USP14: variants seen among roughly 807,000 people sequenced by gnomAD.
USP14 encodes the protein ubiquitin specific peptidase 14, also known as ubiquitin carboxyl-terminal hydrolase 14.
Under a neutral mutation model 76.5 loss-of-function variants are expected in USP14, and 38 were observed. The ratio of observed to expected loss-of-function variants is 0.50; its 90% CI spans 0.38 to 0.65. USP14 has a LOEUF of 0.65. Ranked by LOEUF, USP14 falls within the 30% of genes least tolerant of loss-of-function variation. The pLI is 0.00. For synonymous variants in USP14, 192 were observed against 191.7 expected (o/e 1.00, Z -0.01); for missense variants, 467 against 586.5 (o/e 0.80, Z 2.10).
intron 3 of USP14, among the ~76,000 whole-genome samples, chr18:177,043 A>G (rs1233361182): frequency 1.3e-5 from 2 of 152,152 alleles, no homozygotes; most frequent in Admixed American, 1.3e-4. Flanking sequence ...GCATCTTTAT[A>G]GTAATTTTTC....
chr18:201,013 G>A (rs946146160), intron 10 of USP14, among the ~76,000 whole-genome samples: 1 of 152,048 alleles, frequency 6.6e-6, no homozygotes, highest in Admixed American at 6.6e-5. Flanking sequence ...ATGTTAGCCT[G>A]GATGGTCTCA....
At position 212,634 on chromosome 18, in the gene USP14, T is replaced by C. The variant is rs1910701170; in HGVS notation, c.*1350T>C. On this transcript the variant is annotated 3_prime_UTR_variant, in exon 16 of 16. Coordinates refer to ENST00000261601, the MANE Select transcript of USP14 (RefSeq NM_005151.4). The stretch of plus-strand genomic sequence containing the variant: ...AAAAGAAAAAATTCCCAAATCTTAA[T>C]GTCTGTTTCAGAATTTTAGTGATTT... The C allele has an allele frequency of 6.6e-6, 1 of 152,002 alleles. No homozygotes were observed. Among genetic ancestry groups the C allele is most frequent in the Non-Finnish European group, 1.5e-5 (1 of 68,008 alleles). The allele number at this position is 152,002 out of a possible 1,614,324, so 9.4% of individuals were successfully genotyped here.
rs1909710498 is a variant in USP14 at position 179,135 on chromosome 18, T to C, written c.300+98T>C. 13 of 734,216 alleles carry C rather than the reference T, an allele frequency of 1.8e-5. No individual in the cohort carries two copies. The South Asian group carries it at 2.6e-4, about 15-fold the overall frequency. The allele number at this position is 734,216 out of a possible 1,614,324, so 45.5% of individuals were successfully genotyped here. A position where few individuals can be genotyped will look rare whatever the true frequency, so the allele number is the denominator to read the frequency against. Reference sequence around the variant, plus strand: ...GTAGCATCTGAATGTCTTGAAGACTTAATCATTAATACCAAGATAGATATT... The same window carrying C: ...GTAGCATCTGAATGTCTTGAAGACTCAATCATTAATACCAAGATAGATATT... On this transcript the variant is annotated intron_variant, in intron 4 of 15. Coordinates refer to ENST00000261601, the MANE Select transcript of USP14 (RefSeq NM_005151.4).
intron 5 of USP14, among the ~76,000 whole-genome samples, chr18:191,515 A>G (rs558162609): frequency 3.9e-5 from 6 of 152,324 alleles, no homozygotes; most frequent in Admixed American, 6.5e-5. Flanking sequence ...CCATTTGCCT[A>G]TCAAAGTATA....
chr18:162,579 C>T (rs1909151492), intron 1 of USP14, among the ~76,000 whole-genome samples: 1 of 152,064 alleles, frequency 6.6e-6, no homozygotes, highest in Admixed American at 6.6e-5. Context: ...AATTTTTCTT[C>T]TTCTCTTAAA....
chr18:184,169 T>C (rs961854669), intron 5 of USP14, among the ~76,000 whole-genome samples: 1 of 152,230 alleles, frequency 6.6e-6, no homozygotes, highest in Non-Finnish European at 1.5e-5. Context: ...CTTTTTTCGC[T>C]TTTTGGTTTT....
chr18:181,364 A>G (rs1909784879), intron 5 of USP14, among the ~76,000 whole-genome samples: 3 of 152,206 alleles, frequency 2.0e-5, no homozygotes, highest in African/African-American at 7.2e-5. Flanking sequence ...TGATTAAGCC[A>G]TCTAGCGCTA....
At chr18:182,650 A>G (rs746095194) in intron 5 of USP14, among the ~76,000 whole-genome samples, 1 of 152,222 alleles carries the variant, frequency 6.6e-6, no homozygotes, top group Non-Finnish European at 1.5e-5. Context: ...TGGGAAATGT[A>G]GGCTGCTATG....
chr18:197,586 T>G (rs374232333), intron 7 of USP14, 30 bp from the exon 8 acceptor site: 17 of 1,561,708 alleles, frequency 1.1e-5, no homozygotes, highest in Non-Finnish European at 1.4e-5. Flanking sequence ...ACTGCCAGGA[T>G]TACTTACTTT....
At chr18:167,108 G>A (rs773222923) in intron 3 of USP14, among the ~76,000 whole-genome samples, 1 of 152,090 alleles carries the variant, frequency 6.6e-6, no homozygotes, top group South Asian at 2.1e-4. Context: ...AATTAGCTGG[G>A]TGTGGTGGTG....
chr18:159,126 G>C (rs1005044070), intron 1 of USP14: 1 of 178,762 alleles, frequency 5.6e-6, no homozygotes, highest in African/African-American at 2.4e-5. Context: ...GGGATGGAGC[G>C]ACCCTTCTTG....
chr18:210,338 A>G, intron 14 of USP14, 48 bp from the exon 15 acceptor site: 1 of 1,335,640 alleles, frequency 7.5e-7, no homozygotes. Flanking sequence ...TTGAGAAGGC[A>G]CATGTCTATT....
At chr18:195,099 T>C (rs1910195043) in intron 6 of USP14, among the ~76,000 whole-genome samples, 1 of 152,154 alleles carries the variant, frequency 6.6e-6, no homozygotes, top group Admixed American at 6.5e-5. Flanking sequence ...TGTTATATCT[T>C]ATTAGTCTCT....
intron 1 of USP14, among the ~76,000 whole-genome samples, chr18:160,700 C>T (rs1279778150): frequency 6.6e-6 from 1 of 152,194 alleles, no homozygotes; most frequent in Non-Finnish European, 1.5e-5. Context: ...AGGTTCCTCT[C>T]CTTTACTTCT....
intron 6 of USP14, among the ~76,000 whole-genome samples, chr18:195,759 C>A (rs1910213446): frequency 6.6e-6 from 1 of 152,116 alleles, no homozygotes; most frequent in South Asian, 2.1e-4. Flanking sequence ...GGAGAGGTGA[C>A]CCGCTATCCT....
At chr18:173,116 T>C (rs1196178076) in intron 3 of USP14, among the ~76,000 whole-genome samples, 1 of 151,920 alleles carries the variant, frequency 6.6e-6, no homozygotes, top group African/African-American at 2.4e-5. Flanking sequence ...TCTTTTTTTT[T>C]TTTTTTCTTT....
chr18:192,069 A>C (rs1456943958), intron 5 of USP14, among the ~76,000 whole-genome samples: 1 of 133,970 alleles, frequency 7.5e-6, no homozygotes, highest in African/African-American at 3.1e-5. Context: ...GAAGCTTCTC[A>C]GTTTACAGAT....
chr18:192,791 G>C (rs368034676), intron 5 of USP14, 51 bp from the exon 6 acceptor site: 33 of 1,566,670 alleles, frequency 2.1e-5, no homozygotes, highest in Non-Finnish European at 2.9e-5. Flanking sequence ...TCCCATTTGA[G>C]TGTTAGAATG....
chr18:181,244 T>A, intron 5 of USP14, among the ~76,000 whole-genome samples: 1 of 152,238 alleles, frequency 6.6e-6, no homozygotes, highest in African/African-American at 2.4e-5. Context: ...TTTCATATAG[T>A]AACTCTATGT....
Sources: allele counts gnomAD v4.1 joint callset (sites outside exome capture counted in the v4.1 genomes callset), GRCh38; gene constraint gnomAD v4.1.1; transcripts MANE v1.5; gene names NCBI Gene and HGNC (gene_info 2026-07-23, HGNC 2026-07-21).